Variants in PER2 observed in about 807,000 individuals in gnomAD.
PER2 encodes period circadian regulator 2.
Under a neutral mutation model 121.0 loss-of-function variants are expected in PER2, and 66 were observed. The ratio of observed to expected loss-of-function variants is 0.55; its 90% CI spans 0.45 to 0.67. PER2 has a LOEUF of 0.67. PER2 is among the 30% of genes least tolerant of loss of function. The probability of loss-of-function intolerance (pLI) is 0.00; values close to 1 mark genes in which losing one functional copy is unlikely to be tolerated. For synonymous variants in PER2, 684 were observed against 659.9 expected (o/e 1.04, Z -0.56); for missense variants, 1,521 against 1,635.0 (o/e 0.93, Z 1.20).
At chr2:238,272,769 C>T (rs1696328513) in intron 5 of PER2, among the ~76,000 whole-genome samples, 3 of 152,188 alleles carry the variant, frequency 2.0e-5, no homozygotes, top group African/African-American at 7.2e-5. Flanking sequence ...CTCCTCACCT[C>T]GAGGACATGA....
chr2:238,276,466 T>C lies in PER2; in HGVS notation c.294-569A>G, dbSNP rs536727097. ...GGATACTGGTCGACCCATAGTCTGG[T>C]GCAGTGGACTGTGCACTAAGCTGTG... is the stretch of plus-strand genomic sequence containing the variant. On this transcript the variant is annotated intron_variant, in intron 3 of 22. Coordinates refer to ENST00000254657, the MANE Select transcript of PER2 (RefSeq NM_022817.3). 2.6e-5 allele frequency among the ~76,000 whole-genome samples: 4 copies of C among 152,296 alleles called. No individual in the cohort carries two copies. The South Asian group carries it at 8.3e-4, about 32-fold the overall frequency.
At position 238,273,184 on chromosome 2, in the gene PER2, T is replaced by C. The variant is rs768567598; in HGVS notation, c.456A>G (p.Glu152=). ...LRSVKQVKAN[E]EYYQLLMSSE... is the part of the protein sequence containing the mutation. Reference sequence around the variant, plus strand: ...TGGACATCAGCAGCTGGTAATACTCTTCATTGGCTGCAGGAGAGACAGTGT... The same window carrying C: ...TGGACATCAGCAGCTGGTAATACTCCTCATTGGCTGCAGGAGAGACAGTGT... Residue 152 remains glutamate, a synonymous_variant, in exon 5 of 23, where the codon GAA becomes GAG. Transcript: ENST00000254657. 194 of 1,613,306 alleles carry C rather than the reference T, an allele frequency of 1.2e-4. No individual in the cohort carries two copies. Among genetic ancestry groups the C allele is most frequent in the Non-Finnish European group, 1.2e-4 (144 of 1,179,802 alleles).
chr2:238,296,110 T>TGTGACCACGGACACGGGCAGA, the PER2 span, among the ~76,000 whole-genome samples: 1 of 1,506 alleles, frequency 6.6e-4, no homozygotes, highest in Non-Finnish European at 1.4e-3. Flanking sequence ...TCGTGTGCCC[T>TGTGACCACGGACACGGGCAGA]CCTGCTGCAG....
chr2:238,286,432 G>A (rs748737898), intron 1 of PER2, among the ~76,000 whole-genome samples: 2 of 151,868 alleles, frequency 1.3e-5, no homozygotes, highest in African/African-American at 4.8e-5. Flanking sequence ...TAGACTTGGA[G>A]ATATGGTAAC....
chr2:238,288,341 T>C lies in PER2; in HGVS notation c.-20+8A>G, dbSNP rs183579533. On this transcript the variant is annotated splice_region_variant and intron_variant, in intron 1 of 22. Transcript: ENST00000254657. ...CGGTAGCTCGGTGCCCTACACACGCTGCCTCACCTTTCGGACCTCAGGCTC... is the reference window on the plus strand; with the variant it reads ...CGGTAGCTCGGTGCCCTACACACGCCGCCTCACCTTTCGGACCTCAGGCTC... 4.2e-4 allele frequency: 64 copies of C among 152,248 alleles called. No individual in the cohort carries two copies. The highest frequency in any genetic ancestry group is 1.5e-3 in the African/African-American group (62 of 41,494). The allele number at this position is 152,248 out of a possible 1,614,324, so 9.4% of individuals were successfully genotyped here.
Position 238,277,185 on chromosome 2 carries a change from G to A in PER2, c.239C>T (p.Thr80Ile). The part of the protein sequence containing the change: ...EPPDARQSPD[T>I]FSLMMAKSEH... ...AGATTTTGCCATCATCAGGCTAAAG[G>A]TATCTGGACTATGAAAACAAAAAAT... is the stretch of plus-strand genomic sequence containing the variant. Residue 80 changes from threonine (T) to isoleucine (I), a missense_variant, in exon 3 of 23, where the codon ACC becomes ATC. Physicochemically the swap from Thr to Ile is moderately conservative, Grantham distance 89. Transcript: ENST00000254657. 1.2e-6 allele frequency: 2 copies of A among 1,611,828 alleles called. No homozygotes were observed. Among genetic ancestry groups the A allele is most frequent in the South Asian group, 1.1e-5 (1 of 91,036 alleles).
At chr2:238,298,349 A>G in the PER2 span, 1 of 152,154 alleles carries the variant, frequency 6.6e-6, no homozygotes, top group African/African-American at 2.4e-5. Context: ...TTTTGTTCTT[A>G]AGCCTGTTCC....
chr2:238,255,529 C>T, intron 18 of PER2, 128 bp downstream of exon 18: 1 of 994,842 alleles, frequency 1.0e-6, no homozygotes, highest in East Asian at 2.4e-5. Context: ...CAGGGAAGTT[C>T]CAACAGCTGT....
intron 1 of PER2, among the ~76,000 whole-genome samples, chr2:238,282,351 G>A (rs1006042067): frequency 6.6e-6 from 1 of 152,164 alleles, no homozygotes; most frequent in Non-Finnish European, 1.5e-5. Flanking sequence ...GGCTTTCCTC[G>A]CCAGCACTGA....
intron 5 of PER2, 65 bp from the exon 6 acceptor site, chr2:238,271,578 G>A (rs1696288805): frequency 7.7e-6 from 10 of 1,299,216 alleles, no homozygotes; most frequent in East Asian, 2.3e-5. Context: ...ATCCGACTCA[G>A]GCAGGCAGGC....
chr2:238,291,731 T>G (rs895355236), upstream of PER2, among the ~76,000 whole-genome samples: 2 of 152,148 alleles, frequency 1.3e-5, no homozygotes, highest in Admixed American at 6.5e-5. Context: ...CAGCTTGGCA[T>G]GGTGGCAGCT....
At chr2:238,250,131 C>T (rs1205096884) in intron 21 of PER2, among the ~76,000 whole-genome samples, 1 of 152,242 alleles carries the variant, frequency 6.6e-6, no homozygotes, top group African/African-American at 2.4e-5. Flanking sequence ...GCAGCCCGCT[C>T]CCTGGGCTGG....
At chr2:238,288,075 C>T (rs1237399205) in intron 1 of PER2, among the ~76,000 whole-genome samples, 1 of 152,142 alleles carries the variant, frequency 6.6e-6, no homozygotes, top group Non-Finnish European at 1.5e-5. Flanking sequence ...CCTCTGATCA[C>T]CCATTCCAGG....
rs1559325524 is a variant in PER2 at position 238,257,031 on chromosome 2, G to A, written c.1956C>T (p.Thr652=). 3 of 1,613,392 alleles carry A rather than the reference G, an allele frequency of 1.9e-6. No individual in the cohort carries two copies. The highest frequency in any genetic ancestry group is 2.5e-6 in the Non-Finnish European group (3 of 1,179,854). ...CTGCCTTGCCCGGCAGTGCCAGCGA[G>A]GTCAGGTGCGTACCTACTCCCGTGC... ...NSRTGVGTHL[T]SLALPGKAES... is the part of the protein sequence containing the mutation. The change falls in exon 17 of 23, where the codon ACC becomes ACT. Residue 652 remains threonine, a synonymous_variant. Coordinates refer to ENST00000254657, the MANE Select transcript of PER2 (RefSeq NM_022817.3).
Position 238,257,098 on chromosome 2 carries a change from G to A in PER2, c.1901-12C>T, listed in dbSNP as rs1213319773. 2 of 1,609,450 alleles carry A rather than the reference G, an allele frequency of 1.2e-6. No individual in the cohort carries two copies. The highest frequency in any genetic ancestry group is 1.7e-6 in the Non-Finnish European group (2 of 1,179,594). ...GGGCGGCTCTGCCTCTTCATGAGAG[G>A]AAGGGGGAACAAACATTAGTGTGTC... is the stretch of plus-strand genomic sequence containing the variant. On this transcript the variant is annotated splice_polypyrimidine_tract_variant and intron_variant, in intron 16 of 22. Coordinates refer to ENST00000254657, the MANE Select transcript of PER2 (RefSeq NM_022817.3).
intron 1 of PER2, among the ~76,000 whole-genome samples, chr2:238,278,966 G>A (rs1696545397): frequency 1.3e-5 from 2 of 152,114 alleles, no homozygotes; most frequent in Admixed American, 1.3e-4. Context: ...CTTAACCTCT[G>A]CACTTTGGGG....
intron 9 of PER2, among the ~76,000 whole-genome samples, chr2:238,264,358 G>C (rs1254380267): frequency 6.6e-6 from 1 of 152,214 alleles, no homozygotes; most frequent in Non-Finnish European, 1.5e-5. Context: ...AGGCAGCCCC[G>C]CGGACACACC....
Position 238,257,013 on chromosome 2 carries a change from G to T in PER2, c.1974C>A (p.Gly658=). 6.2e-7 allele frequency: 1 copy of T among 1,613,588 alleles called. No individual in the cohort carries two copies. The change falls in exon 17 of 23, where the codon GGC becomes GGA. Residue 658 remains glycine (G), a synonymous_variant. Transcript: ENST00000254657. Reference sequence around the variant, plus strand: ...TGAGCGACGCCACACTCTCTGCCTTGCCCGGCAGTGCCAGCGAGGTCAGGT... The same window carrying T: ...TGAGCGACGCCACACTCTCTGCCTTTCCCGGCAGTGCCAGCGAGGTCAGGT... ...GTHLTSLALP[G]KAESVASLTS...
Position 238,277,776 on chromosome 2 carries a change from T to C in PER2, c.161A>G (p.Gln54Arg), listed in dbSNP as rs775615442. ...NENCSTGRDS[Q>R]GSDCDDSGKE... is the part of the protein sequence containing the mutation. ...CCCACTGTCGTCACAGTCACTGCCCTGCGAGTCCCGCCCCGTGGAGCAGTT... is the reference window on the plus strand; with the variant it reads ...CCCACTGTCGTCACAGTCACTGCCCCGCGAGTCCCGCCCCGTGGAGCAGTT... Residue 54 changes from glutamine to arginine, a missense_variant, in exon 2 of 23, where the codon CAG (glutamine) becomes CGG (arginine). Gln to Arg is a conservative substitution (Grantham distance 43). Transcript: ENST00000254657. 6.2e-7 allele frequency: 1 copy of C among 1,614,206 alleles called. No homozygotes were observed. The highest frequency in any genetic ancestry group is 1.1e-5 in the South Asian group (1 of 91,086).
Sources: allele counts gnomAD v4.1 joint callset (sites outside exome capture counted in the v4.1 genomes callset), GRCh38; gene constraint gnomAD v4.1.1; transcripts MANE v1.5; gene names NCBI Gene and HGNC (gene_info 2026-07-23, HGNC 2026-07-21).